The following CAPZA1 variants were observed in gnomAD, a reference collection of about 807,000 sequenced individuals.
The protein encoded by CAPZA1 is F-actin-capping protein subunit alpha-1.
In CAPZA1, 10 loss-of-function variants were observed where a neutral mutation model predicts 40.8. That is an observed-to-expected ratio of 0.25 (90% CI 0.15 to 0.42). The LOEUF is 0.42. CAPZA1 is among the 10% of genes least tolerant of loss of function. CAPZA1 has a pLI of 1.00. For synonymous variants in CAPZA1, 98 were observed against 115.0 expected (o/e 0.85, Z 0.95); for missense variants, 277 against 353.8 (o/e 0.78, Z 1.74).
At chr1:112,625,885 T>C (rs1295189810) in intron 1 of CAPZA1, 1 of 152,452 alleles carries the variant, frequency 6.6e-6, no homozygotes, top group Non-Finnish European at 1.5e-5. Context: ...ACTGTCATTG[T>C]CCAGTACCAG....
At chr1:112,653,699 T>C (rs755258860) in intron 4 of CAPZA1, 38 bp downstream of exon 4, 1 of 1,338,524 alleles carries the variant, frequency 7.5e-7, no homozygotes, top group East Asian at 2.3e-5. Context: ...GCCTGGCAGA[T>C]AGTAGAGATC....
chr1:112,639,582 T>C (rs1294452745), intron 1 of CAPZA1, among the ~76,000 whole-genome samples: 2 of 152,216 alleles, frequency 1.3e-5, no homozygotes, highest in Non-Finnish European at 2.9e-5. Context: ...AGAAGCCTTC[T>C]TTATTGCCTT....
intron 1 of CAPZA1, among the ~76,000 whole-genome samples, chr1:112,640,100 C>A (rs1192137592): frequency 4.2e-5 from 5 of 118,140 alleles, no homozygotes; most frequent in Non-Finnish European, 7.2e-5. Context: ...AAGTGAGGAG[C>A]CCCTCTGCCC....
At chr1:112,641,559 A>G (rs1029884049) in intron 1 of CAPZA1, among the ~76,000 whole-genome samples, 19 of 150,322 alleles carry the variant, frequency 1.3e-4, no homozygotes, top group Non-Finnish European at 2.4e-4. Flanking sequence ...TAAAAACTGA[A>G]TTTTTTTTTT....
chr1:112,622,877 T>C (rs928813834), intron 1 of CAPZA1, among the ~76,000 whole-genome samples: 3 of 151,874 alleles, frequency 2.0e-5, no homozygotes, highest in African/African-American at 7.3e-5. Context: ...TGAAAAATAT[T>C]TTATACTTTT....
At position 112,619,890 on chromosome 1, in the gene CAPZA1, G is replaced by A. The variant is rs543649792; in HGVS notation, c.39+7G>A. 6 of 1,608,522 alleles carry A rather than the reference G, an allele frequency of 3.7e-6. No individual in the cohort carries two copies. Among genetic ancestry groups the A allele is most frequent in the South Asian group, 1.1e-5 (1 of 89,986 alleles). ...TGTGTCGGATGAGGAGAAGGTAAGG[G>A]GTCCGCCTCTCTCTCTTACCTCCTC... On this transcript the variant is annotated splice_region_variant and intron_variant, in intron 1 of 9. Coordinates refer to ENST00000263168, the MANE Select transcript of CAPZA1 (RefSeq NM_006135.3).
chr1:112,640,962 C>CA (rs1671144798), intron 1 of CAPZA1, among the ~76,000 whole-genome samples: 1 of 152,100 alleles, frequency 6.6e-6, no homozygotes, highest in African/African-American at 2.4e-5. Context: ...TGTGTCCACT[C>CA]AGAGTTAAAT....
At chr1:112,621,267 C>T (rs536436899) in intron 1 of CAPZA1, among the ~76,000 whole-genome samples, 3 of 150,058 alleles carry the variant, frequency 2.0e-5, no homozygotes, top group South Asian at 4.2e-4. Flanking sequence ...AGCAAAAATC[C>T]TGTTACAATA....
intron 1 of CAPZA1, among the ~76,000 whole-genome samples, chr1:112,627,625 A>G (rs1421703523): frequency 3.9e-5 from 4 of 101,306 alleles, no homozygotes; most frequent in South Asian, 4.0e-4. Flanking sequence ...CGACAGTGCG[A>G]GACTCTGTCT....
intron 1 of CAPZA1, among the ~76,000 whole-genome samples, chr1:112,629,892 T>G (rs1670887838): frequency 6.6e-6 from 1 of 152,276 alleles, no homozygotes; most frequent in East Asian, 1.9e-4. Flanking sequence ...CTATCTAAAG[T>G]ACTTTGCAGA....
At chr1:112,652,643 G>A (rs576294480) in intron 3 of CAPZA1, among the ~76,000 whole-genome samples, 1 of 151,988 alleles carries the variant, frequency 6.6e-6, no homozygotes, top group South Asian at 2.1e-4. Context: ...TGTGTGAGAT[G>A]TGCCTCCCTC....
At position 112,671,524 on chromosome 1, in the gene CAPZA1, A is replaced by G. The variant is rs1006750125; in HGVS notation, c.*1392A>G. On this transcript the variant is annotated 3_prime_UTR_variant, in exon 10 of 10. Transcript: ENST00000263168. ...ATTTTTGTTTATTTCAATAAAATAT[A>G]TTTGTATTATTTGTCCTTCATACTA... 2.6e-5 allele frequency: 4 copies of G among 152,620 alleles called. No individual in the cohort carries two copies. Among genetic ancestry groups the G allele is most frequent in the African/African-American group, 9.6e-5 (4 of 41,458 alleles). 9.5% of individuals were successfully genotyped at this position (152,620 alleles called of 1,614,324 possible). A position where few individuals can be genotyped will look rare whatever the true frequency, so the allele number is the denominator to read the frequency against.
At chr1:112,631,184 C>T (rs1670910367) in intron 1 of CAPZA1, among the ~76,000 whole-genome samples, 2 of 152,214 alleles carry the variant, frequency 1.3e-5, no homozygotes, top group African/African-American at 4.8e-5. Context: ...TACTCTTTGT[C>T]TTTATCTTTA....
intron 1 of CAPZA1, among the ~76,000 whole-genome samples, chr1:112,645,736 CAAAAAA>C (rs34728417): frequency 2.8e-5 from 3 of 107,010 alleles, no homozygotes; most frequent in Admixed American, 9.6e-5. Context: ...CTTGCCAGTG[CAAAAAA>C]AAAAAAAAAA....
rs151093002 is a variant in CAPZA1, at chr1:112,654,448, T to C, written c.220-17T>C. The C allele has an allele frequency of 3.8e-6, 6 of 1,563,212 alleles. No homozygotes were observed. The East Asian group carries it at 1.3e-4, about 35-fold the overall frequency. On this transcript the variant is annotated splice_polypyrimidine_tract_variant and intron_variant, in intron 4 of 9. Transcript: ENST00000263168. ...TCTTTTTTACAGTTACTCATATGTT[T>C]AATGATTCTTTGGAAGGTCTTAATT...
intron 1 of CAPZA1, 36 bp downstream of exon 1, chr1:112,619,919 C>T (rs751329458): frequency 6.4e-7 from 1 of 1,560,852 alleles, no homozygotes; most frequent in Non-Finnish European, 8.8e-7. Context: ...CCTCCTCCCC[C>T]GACAGGGAAC....
At chr1:112,636,698 G>C (rs1200279323) in intron 1 of CAPZA1, among the ~76,000 whole-genome samples, 1 of 152,008 alleles carries the variant, frequency 6.6e-6, no homozygotes, top group Non-Finnish European at 1.5e-5. Context: ...TAGAGGAGCT[G>C]ACATACCTCC....
At chr1:112,661,416 G>T (rs968686052) in intron 7 of CAPZA1, among the ~76,000 whole-genome samples, 12 of 152,134 alleles carry the variant, frequency 7.9e-5, no homozygotes, top group African/African-American at 2.9e-4. Context: ...GCTCATAAAC[G>T]TACCTCTAAG....
At chr1:112,632,576 G>T (rs1670941969) in intron 1 of CAPZA1, among the ~76,000 whole-genome samples, 2 of 152,156 alleles carry the variant, frequency 1.3e-5, no homozygotes, top group Non-Finnish European at 2.9e-5. Flanking sequence ...GGGGCAGGGA[G>T]GCGGGGTGGG....
Sources: gnomAD v4.1 joint callset for allele counts (sites outside exome capture counted in the v4.1 genomes callset) on GRCh38, gnomAD v4.1.1 for gene constraint, MANE v1.5 for transcripts, NCBI Gene and HGNC (gene_info 2026-07-23, HGNC 2026-07-21) for gene names.